The following PARD3B variants were observed in gnomAD, a reference collection of about 807,000 sequenced individuals.
The protein encoded by PARD3B is partitioning defective 3 homolog B.
PARD3B carries 103 observed loss-of-function variants against 130.2 expected under a neutral mutation model. The observed-to-expected ratio is 0.79, with a 90% CI of 0.67 to 0.93. PARD3B has a LOEUF of 0.93. Among genes scored for constraint, PARD3B ranks in the 40% least tolerant of loss-of-function variants. PARD3B has a pLI of 0.00. For missense variants in PARD3B, 1,609 were observed against 1,499.2 expected (o/e 1.07, Z -1.21); for synonymous variants, 583 against 553.2 (o/e 1.05, Z -0.76).
chr2:204,572,440 C>T lies in PARD3B; in HGVS notation c.120+26321C>T, dbSNP rs186187367. On this transcript the variant is annotated intron_variant, in intron 1 of 22. Transcript: ENST00000406610. ...AGCCTGGAAGGAAGCAGCCCTCTCCCTACACCAGTAGCTCCCTCAACCTTT... is the reference window on the plus strand; with the variant it reads ...AGCCTGGAAGGAAGCAGCCCTCTCCTTACACCAGTAGCTCCCTCAACCTTT... Among the ~76,000 whole-genome samples, 24 of 152,262 alleles carry T rather than the reference C, an allele frequency of 1.6e-4. No individual in the cohort carries two copies. In the East Asian group the frequency reaches 2.5e-3, roughly 16 times the overall value.
chr2:205,333,350 A>G (rs2043202028), intron 18 of PARD3B, among the ~76,000 whole-genome samples: 1 of 152,168 alleles, frequency 6.6e-6, no homozygotes, highest in Non-Finnish European at 1.5e-5. Context: ...CAAATTTTCT[A>G]TTGCTTATAT....
chr2:205,382,361 G>C (rs1028256097), intron 18 of PARD3B, among the ~76,000 whole-genome samples: 1 of 151,982 alleles, frequency 6.6e-6, no homozygotes, highest in Non-Finnish European at 1.5e-5. Context: ...CTTGAATACT[G>C]CTGAAGTGAT....
rs1330110758 is a variant in PARD3B, at chr2:205,341,986, C to T, written c.2630+40285C>T. Among the ~76,000 whole-genome samples, 1 of 152,056 alleles carries T rather than the reference C, an allele frequency of 6.6e-6. No individual in the cohort carries two copies. The highest frequency in any genetic ancestry group is 1.5e-5 in the Non-Finnish European group (1 of 67,966). On this transcript the variant is annotated intron_variant, in intron 18 of 22. Coordinates refer to ENST00000406610, the MANE Select transcript of PARD3B (RefSeq NM_001302769.2). This position sits in a 1 kb window ranked among gnomAD's most constrained non-coding sequence, Gnocchi z 4.3. ...TGTGGTCCCTAGTTAATCAAAACAG[C>T]ATTGCATATGACTGTATTTCTCCAG...
chr2:204,576,148 T>C (rs1217217760), intron 1 of PARD3B, among the ~76,000 whole-genome samples: 1 of 152,150 alleles, frequency 6.6e-6, no homozygotes, highest in African/African-American at 2.4e-5. Flanking sequence ...CATCTAGCCT[T>C]TGGTCTGATT....
At chr2:205,260,021 G>A (rs1004084350) in intron 16 of PARD3B, among the ~76,000 whole-genome samples, 1 of 152,104 alleles carries the variant, frequency 6.6e-6, no homozygotes, top group Non-Finnish European at 1.5e-5. Context: ...CCACTAGAAA[G>A]CAAAGGTGTC....
rs573709582 is a variant in PARD3B at position 205,158,531 on chromosome 2, C to G, written c.1435-191C>G. On this transcript the variant is annotated intron_variant, in intron 10 of 22. Transcript: ENST00000406610. The surrounding 1 kb of genome is among the most constrained non-coding windows in gnomAD (Gnocchi z 5.4). The stretch of plus-strand genomic sequence containing the variant: ...ATAGTATTCCCTGAAACCTCTTCCC[C>G]TGCTCCATGGATGTGACTGTGGCTC... Among the ~76,000 whole-genome samples the G allele has an allele frequency of 1.3e-5, 2 of 152,304 alleles. No individual in the cohort carries two copies. Among genetic ancestry groups the G allele is most frequent in the East Asian group, 3.9e-4 (2 of 5,182 alleles).
chr2:205,379,672 A>G (rs2045233889), intron 18 of PARD3B, among the ~76,000 whole-genome samples: 1 of 151,906 alleles, frequency 6.6e-6, no homozygotes, highest in South Asian at 2.1e-4. Flanking sequence ...CCATCCTAGT[A>G]ATTGGCAAAC....
chr2:205,491,924 C>T (rs915294588), intron 20 of PARD3B, among the ~76,000 whole-genome samples: 3 of 152,042 alleles, frequency 2.0e-5, no homozygotes, highest in Admixed American at 6.6e-5. Context: ...GGGGGAGGAC[C>T]GCAGTTCAGG....
chr2:204,905,381 G>A (rs887417307), intron 2 of PARD3B, among the ~76,000 whole-genome samples: 2 of 151,998 alleles, frequency 1.3e-5, no homozygotes, highest in Non-Finnish European at 2.9e-5. Flanking sequence ...CCCCTTCCCT[G>A]GTCTCCAGTG....
intron 15 of PARD3B, among the ~76,000 whole-genome samples, chr2:205,218,113 G>A (rs1474185673): frequency 1.3e-5 from 2 of 151,434 alleles, no homozygotes; most frequent in East Asian, 1.9e-4. Flanking sequence ...GGCTGGTCTC[G>A]AACTCCTGAC....
chr2:204,892,897 C>T lies in PARD3B; in HGVS notation c.223-72255C>T, dbSNP rs140483060. The stretch of plus-strand genomic sequence containing the variant: ...AGTGTATGTGTTAAGTTAGAGATAA[C>T]AATTACAAATCTAGACAAAAGATGA... On this transcript the variant is annotated intron_variant, in intron 2 of 22. Coordinates refer to ENST00000406610, the MANE Select transcript of PARD3B (RefSeq NM_001302769.2). 4.5e-3 allele frequency among the ~76,000 whole-genome samples: 682 copies of T among 152,198 alleles called. 4 individuals are homozygous for T. The highest frequency in any genetic ancestry group is 0.015 in the African/African-American group (621 of 41,534).
In PARD3B at chr2:205,440,558, C is replaced by A; in HGVS notation, c.2930C>A (p.Ala977Asp). 6.2e-7 allele frequency: 1 copy of A among 1,614,084 alleles called. No individual in the cohort carries two copies. The highest frequency in any genetic ancestry group is 1.7e-5 in the Admixed American group (1 of 60,020). Residue 977 changes from alanine (A) to aspartate (D), a missense_variant, in exon 20 of 23, where the codon GCT becomes GAT. Physicochemically the swap from Ala to Asp is moderately radical, Grantham distance 126. Transcript: ENST00000406610. This position sits in a 1 kb window ranked among gnomAD's most constrained non-coding sequence, Gnocchi z 4.2. Reference protein sequence around the residue: ...NVFRSPSPPRAGPFGYPRDGH... With the variant: ...NVFRSPSPPRDGPFGYPRDGH... Reference sequence around the variant, plus strand: ...TTTAGATCTCCATCTCCCCCTCGAGCTGGACCATTTGGTTACCCTCGGGAT... The same window carrying A: ...TTTAGATCTCCATCTCCCCCTCGAGATGGACCATTTGGTTACCCTCGGGAT...
chr2:205,520,868 A>G (rs989921588), intron 21 of PARD3B, among the ~76,000 whole-genome samples: 3 of 152,068 alleles, frequency 2.0e-5, no homozygotes, highest in Non-Finnish European at 4.4e-5. Flanking sequence ...ATATTAAGTA[A>G]TTGGTTAATC....
intron 2 of PARD3B, among the ~76,000 whole-genome samples, chr2:204,718,353 G>T (rs116610834): frequency 6.6e-6 from 1 of 152,110 alleles, no homozygotes; most frequent in African/African-American, 2.4e-5. Context: ...TCACAGTTCT[G>T]CATGGCTGGG....
intron 1 of PARD3B, among the ~76,000 whole-genome samples, chr2:204,633,751 G>T (rs900789318): frequency 3.3e-5 from 5 of 152,188 alleles, no homozygotes; most frequent in African/African-American, 1.2e-4. Context: ...GGCAGAGGTT[G>T]CAGTGAGCTG....
At position 205,550,976 on chromosome 2, in the gene PARD3B, T is replaced by TATAC. The variant is rs1267546985; in HGVS notation, c.3181-2347_3181-2346insTACA. On this transcript the variant is annotated intron_variant, in intron 21 of 22. Transcript: ENST00000406610. This position sits in a 1 kb window ranked among gnomAD's most constrained non-coding sequence, Gnocchi z 4.5. ...ATGTGTATATATATATATATATATA[T>TATAC]ACACACACACACACACACACACACA... 3.7e-4 allele frequency among the ~76,000 whole-genome samples: 46 copies of TATAC among 125,596 alleles called. No individual in the cohort carries two copies. The highest frequency in any genetic ancestry group is 1.3e-3 in the African/African-American group (41 of 32,292). The allele number at this position is 125,596 out of a possible 152,430, so 82.4% of individuals were successfully genotyped here.
chr2:205,509,969 T>C (rs2050529275), intron 21 of PARD3B, among the ~76,000 whole-genome samples: 1 of 152,234 alleles, frequency 6.6e-6, no homozygotes, highest in Admixed American at 6.5e-5. Context: ...ATAGCTCTTC[T>C]AAACTACTCC....
intron 15 of PARD3B, among the ~76,000 whole-genome samples, chr2:205,224,652 A>G (rs971686974): frequency 6.6e-6 from 1 of 150,624 alleles, no homozygotes; most frequent in Non-Finnish European, 1.5e-5. Context: ...TAGATCCCAC[A>G]AAAAAAGTGA....
intron 15 of PARD3B, among the ~76,000 whole-genome samples, chr2:205,208,775 G>C (rs1295116581): frequency 6.9e-6 from 1 of 145,248 alleles, no homozygotes; most frequent in African/African-American, 2.7e-5. Flanking sequence ...AATCAATATC[G>C]TGAAAATGGC....
Sources: gnomAD v4.1 joint callset for allele counts (sites outside exome capture counted in the v4.1 genomes callset) on GRCh38, gnomAD v4.1.1 for gene constraint, Gnocchi (gnomAD v3.1) non-coding constraint, MANE v1.5 for transcripts, NCBI Gene and HGNC (gene_info 2026-07-23, HGNC 2026-07-21) for gene names.